The following TBC1D22A variants were observed in gnomAD, a reference collection of about 807,000 sequenced individuals.
The protein encoded by TBC1D22A is putative GTPase activator.
TBC1D22A carries 38 observed loss-of-function variants against 60.2 expected under a neutral mutation model. The observed-to-expected ratio is 0.63, with a 90% CI of 0.49 to 0.83. The LOEUF (loss-of-function observed/expected upper bound fraction) is 0.83, where lower values mean the gene tolerates loss of function less well. Among genes scored for constraint, TBC1D22A ranks in the 40% least tolerant of loss-of-function variants. The probability of loss-of-function intolerance (pLI) is 0.00; values close to 1 mark genes in which losing one functional copy is unlikely to be tolerated. For missense variants in TBC1D22A, 628 were observed against 701.0 expected (o/e 0.90, Z 1.18); for synonymous variants, 302 against 281.7 (o/e 1.07, Z -0.72).
intron 4 of TBC1D22A, among the ~76,000 whole-genome samples, chr22:46,804,609 G>C (rs560460980): frequency 4.6e-5 from 7 of 152,202 alleles, no homozygotes; most frequent in Non-Finnish European, 1.0e-4. Flanking sequence ...TGGGTGATGT[G>C]TTCCCTGCTC....
intron 4 of TBC1D22A, among the ~76,000 whole-genome samples, chr22:46,800,740 T>A (rs1016050213): frequency 4.6e-5 from 7 of 152,234 alleles, no homozygotes; most frequent in African/African-American, 1.7e-4. Flanking sequence ...TTTTTATGGT[T>A]GTTGTTACGT....
intron 5 of TBC1D22A, among the ~76,000 whole-genome samples, chr22:46,887,994 G>A (rs936077989): frequency 1.4e-4 from 22 of 152,164 alleles, no homozygotes; most frequent in Admixed American, 4.6e-4. Flanking sequence ...CATGCTCGAG[G>A]CCTGGCGGCT....
At chr22:46,792,960 A>T (rs569818876) in intron 2 of TBC1D22A, among the ~76,000 whole-genome samples, 1 of 152,354 alleles carries the variant, frequency 6.6e-6, no homozygotes, top group African/African-American at 2.4e-5. Context: ...GCCCCTCCAC[A>T]GCAGGCGGGA....
chr22:46,854,248 GGCCCCT>G, intron 4 of TBC1D22A, among the ~76,000 whole-genome samples: 1 of 152,286 alleles, frequency 6.6e-6, no homozygotes, highest in African/African-American at 2.4e-5. Context: ...TTGAGAGTCA[GGCCCCT>G]GAGTTTCCTT....
intron 11 of TBC1D22A, among the ~76,000 whole-genome samples, chr22:47,091,073 C>T (rs535408472): frequency 2.6e-5 from 3 of 116,412 alleles, no homozygotes; most frequent in African/African-American, 1.0e-4. Flanking sequence ...GAGGGGGTGG[C>T]TGCTTGTTGA....
Position 46,797,381 on chromosome 22 carries a change from A to G in TBC1D22A, c.461-63A>G, listed in dbSNP as rs970828785. ...ATTCACAAAGGGACAGTGGCACAGC[A>G]AGGAGGAACGTGTAGTCGGGAGGAG... On this transcript the variant is annotated intron_variant, in intron 3 of 12. Transcript: ENST00000337137. 1.3e-4 allele frequency: 210 copies of G among 1,583,260 alleles called. 2 individuals carry two copies. Among genetic ancestry groups the G allele is most frequent in the South Asian group, 4.1e-4 (36 of 88,634 alleles).
At chr22:47,059,551 A>G (rs1286943230) in intron 11 of TBC1D22A, among the ~76,000 whole-genome samples, 1 of 152,176 alleles carries the variant, frequency 6.6e-6, no homozygotes, top group Non-Finnish European at 1.5e-5. Flanking sequence ...TGTGTCTGTC[A>G]CCCAAAGATA....
At chr22:46,847,895 G>T (rs931622600) in intron 4 of TBC1D22A, among the ~76,000 whole-genome samples, 19 of 151,912 alleles carry the variant, frequency 1.3e-4, no homozygotes, top group Non-Finnish European at 2.8e-4. Flanking sequence ...GGCACCTAGA[G>T]AAATAGTCAA....
chr22:46,770,605 C>T (rs898373613), intron 1 of TBC1D22A, among the ~76,000 whole-genome samples: 3 of 152,184 alleles, frequency 2.0e-5, no homozygotes, highest in Non-Finnish European at 4.4e-5. Context: ...GGGGTGGTCA[C>T]TGGGTAACCT....
chr22:46,811,031 C>T lies in TBC1D22A; in HGVS notation c.637+13411C>T, dbSNP rs180705020. 1.6e-4 allele frequency among the ~76,000 whole-genome samples: 25 copies of T among 152,320 alleles called. No individual in the cohort carries two copies. In the East Asian group the frequency reaches 4.6e-3, roughly 28 times the overall value. On this transcript the variant is annotated intron_variant, in intron 4 of 12. Coordinates refer to ENST00000337137, the MANE Select transcript of TBC1D22A (RefSeq NM_014346.5). ...AGGCTGTGTGTCAGAGTCCATCATG[C>T]GGCTGTCATCCAGGACAGCCTAATT...
chr22:47,045,627 G>T lies in TBC1D22A; in HGVS notation c.1329+8429G>T, dbSNP rs577648676. 2.6e-5 allele frequency among the ~76,000 whole-genome samples: 4 copies of T among 152,346 alleles called. No homozygotes were observed. In the South Asian group the frequency reaches 8.3e-4, roughly 32 times the overall value. ...GTTGTTAGCGGGTTAGCGTTTTGAT[G>T]ACTCTTTTCTCCCATTGTGTTCATT... On this transcript the variant is annotated intron_variant, in intron 11 of 12. Coordinates refer to ENST00000337137, the MANE Select transcript of TBC1D22A (RefSeq NM_014346.5).
At chr22:47,172,178 T>C (rs1029521351) in intron 12 of TBC1D22A, among the ~76,000 whole-genome samples, 2 of 151,890 alleles carry the variant, frequency 1.3e-5, no homozygotes, top group African/African-American at 4.8e-5. Context: ...GCATGCCCAG[T>C]GAGCCTTGTG....
chr22:47,114,652 C>T (rs2147734850), intron 12 of TBC1D22A, among the ~76,000 whole-genome samples: 1 of 152,222 alleles, frequency 6.6e-6, no homozygotes, highest in African/African-American at 2.4e-5. Context: ...GAACATGATT[C>T]CCCAACAGTG....
chr22:46,866,274 T>A (rs990938351), intron 4 of TBC1D22A, among the ~76,000 whole-genome samples: 5 of 152,064 alleles, frequency 3.3e-5, no homozygotes, highest in African/African-American at 1.2e-4. Context: ...TCAGCTAATT[T>A]TTGTATTTTA....
intron 4 of TBC1D22A, among the ~76,000 whole-genome samples, chr22:46,855,353 T>C (rs2087515214): frequency 6.6e-6 from 1 of 152,198 alleles, no homozygotes; most frequent in Admixed American, 6.5e-5. Context: ...GGGTTTTGTA[T>C]TGTTACTTTT....
chr22:46,951,722 C>G (rs1236480069), intron 8 of TBC1D22A, among the ~76,000 whole-genome samples: 1 of 152,200 alleles, frequency 6.6e-6, no homozygotes, highest in Non-Finnish European at 1.5e-5. Context: ...CAGATCCATG[C>G]AAAATTCATA....
At chr22:47,149,653 G>T (rs1418998558) in intron 12 of TBC1D22A, among the ~76,000 whole-genome samples, 1 of 152,000 alleles carries the variant, frequency 6.6e-6, no homozygotes, top group Admixed American at 6.5e-5. Context: ...TGGCAGAGCC[G>T]GCAGGGCTGC....
chr22:46,770,016 T>G (rs1050944159), intron 1 of TBC1D22A, among the ~76,000 whole-genome samples: 1 of 152,118 alleles, frequency 6.6e-6, no homozygotes, highest in Non-Finnish European at 1.5e-5. Context: ...CCCTGACCCC[T>G]GTGAATATGT....
chr22:47,077,922 T>G (rs906529163), intron 11 of TBC1D22A, among the ~76,000 whole-genome samples: 1 of 152,260 alleles, frequency 6.6e-6, no homozygotes, highest in Non-Finnish European at 1.5e-5. Flanking sequence ...CTGTACTCAG[T>G]ACCTCACGGT....
Sources: allele counts gnomAD v4.1 joint callset (sites outside exome capture counted in the v4.1 genomes callset), GRCh38; gene constraint gnomAD v4.1.1; transcripts MANE v1.5; gene names NCBI Gene and HGNC (gene_info 2026-07-23, HGNC 2026-07-21).